SUPT3H: variants seen among roughly 807,000 people sequenced by gnomAD.
The protein encoded by SUPT3H is transcription initiation protein SPT3 homolog.
A neutral mutation model predicts 44.3 loss-of-function variants in SUPT3H; 44 were observed. That is an observed-to-expected ratio of 0.99 (90% CI 0.78 to 1.28). The LOEUF (loss-of-function observed/expected upper bound fraction) is 1.28, where lower values mean the gene tolerates loss of function less well. Among genes scored for constraint, SUPT3H ranks in the 50% most tolerant of loss-of-function variants. The pLI, the probability that SUPT3H is intolerant of heterozygous loss-of-function variation, is 0.00. For missense variants in SUPT3H, 380 were observed against 387.1 expected, an observed-to-expected ratio of 0.98 and a Z score of 0.15; for synonymous variants, 124 against 125.6, an observed-to-expected ratio of 0.99 and a Z score of 0.09.
chr6:45,176,099 G>C (rs952775657), intron 2 of SUPT3H, among the ~76,000 whole-genome samples: 5 of 152,018 alleles, frequency 3.3e-5, no homozygotes, highest in African/African-American at 1.2e-4. Flanking sequence ...GAACAGCTCT[G>C]GTCTACAGCT....
intron 6 of SUPT3H, among the ~76,000 whole-genome samples, chr6:44,978,937 T>C (rs1778716275): frequency 6.6e-6 from 1 of 152,154 alleles, no homozygotes; most frequent in Non-Finnish European, 1.5e-5. Flanking sequence ...TGAAAATATG[T>C]CCTTGCCAAA....
intron 10 of SUPT3H, among the ~76,000 whole-genome samples, chr6:44,913,978 T>C (rs1274946694): frequency 1.3e-5 from 2 of 152,164 alleles, no homozygotes; most frequent in East Asian, 3.9e-4. Flanking sequence ...GCTCATAAAA[T>C]AGTCACATGA....
At chr6:44,976,986 A>G (rs1778427337) in intron 6 of SUPT3H, among the ~76,000 whole-genome samples, 1 of 152,216 alleles carries the variant, frequency 6.6e-6, no homozygotes, top group Non-Finnish European at 1.5e-5. Context: ...CCACTCTCTT[A>G]GATGTCAGTG....
chr6:45,176,371 T>C (rs1290966626), intron 2 of SUPT3H, among the ~76,000 whole-genome samples: 2 of 152,004 alleles, frequency 1.3e-5, no homozygotes, highest in African/African-American at 4.8e-5. Context: ...TCAGACCGGC[T>C]TAAAAAGCGG....
intron 2 of SUPT3H, among the ~76,000 whole-genome samples, chr6:45,262,576 T>C (rs192350309): frequency 2.6e-5 from 4 of 152,136 alleles, no homozygotes; most frequent in African/African-American, 4.8e-5. Context: ...AAACCTAGCG[T>C]ACCTATCTGG....
chr6:45,140,672 A>G (rs529993772), intron 2 of SUPT3H, among the ~76,000 whole-genome samples: 2 of 152,110 alleles, frequency 1.3e-5, no homozygotes, highest in East Asian at 1.9e-4. Flanking sequence ...CACCTCCAGC[A>G]CAGCAGGTTG....
At chr6:45,303,607 A>G (rs1782490003) in intron 2 of SUPT3H, among the ~76,000 whole-genome samples, 1 of 151,772 alleles carries the variant, frequency 6.6e-6, no homozygotes. Flanking sequence ...TTGGCCTATA[A>G]AGCCAACTAT....
intron 2 of SUPT3H, among the ~76,000 whole-genome samples, chr6:45,175,575 G>A (rs1397679471): frequency 6.6e-6 from 1 of 152,138 alleles, no homozygotes; most frequent in Non-Finnish European, 1.5e-5. Context: ...AAATGGAAGA[G>A]GTTTGGGTCT....
At chr6:44,902,576 T>C (rs1765268052) in intron 10 of SUPT3H, among the ~76,000 whole-genome samples, 2 of 152,048 alleles carry the variant, frequency 1.3e-5, no homozygotes, top group Admixed American at 6.5e-5. Context: ...CCCACAATAA[T>C]AATGGGAGAC....
chr6:45,005,600 C>T (rs1782599690), intron 5 of SUPT3H, among the ~76,000 whole-genome samples: 1 of 150,958 alleles, frequency 6.6e-6, no homozygotes, highest in Admixed American at 6.6e-5. Flanking sequence ...ACTCGGGAGG[C>T]TGAGGCAGGA....
rs554059606 is a variant in SUPT3H at position 45,262,312 on chromosome 6, A to C, written c.101+102889T>G. Among the ~76,000 whole-genome samples, 85 of 151,958 alleles carry C rather than the reference A, an allele frequency of 5.6e-4. No individual in the cohort carries two copies. In the South Asian group the frequency reaches 0.017, roughly 31 times the overall value. On this transcript the variant is annotated intron_variant, in intron 2 of 10. Transcript: ENST00000371459. ...AAGCATATTACTGGCACAAAAACAG[A>C]TACACAGACCAACAGAACAGAATAG... is the stretch of plus-strand genomic sequence containing the variant.
At chr6:45,303,606 A>G (rs1277209802) in intron 2 of SUPT3H, among the ~76,000 whole-genome samples, 1 of 151,856 alleles carries the variant, frequency 6.6e-6, no homozygotes, top group Non-Finnish European at 1.5e-5. Context: ...TTTGGCCTAT[A>G]AAGCCAACTA....
At chr6:44,904,724 C>T (rs891104839) in intron 10 of SUPT3H, among the ~76,000 whole-genome samples, 11 of 152,106 alleles carry the variant, frequency 7.2e-5, no homozygotes, top group South Asian at 2.1e-4. Flanking sequence ...CAATCCTAAG[C>T]CAAAAGAACA....
chr6:44,887,239 A>T (rs1162761160), intron 10 of SUPT3H, among the ~76,000 whole-genome samples: 2 of 152,190 alleles, frequency 1.3e-5, no homozygotes, highest in Non-Finnish European at 2.9e-5. Flanking sequence ...GATATCCAGG[A>T]ATTGAACTCA....
chr6:45,162,674 G>A (rs1447473163), intron 2 of SUPT3H, among the ~76,000 whole-genome samples: 1 of 152,176 alleles, frequency 6.6e-6, no homozygotes, highest in Non-Finnish European at 1.5e-5. Flanking sequence ...AACGCTATGA[G>A]ATGTCTTCTC....
chr6:44,830,300 C>T (rs575232660), intron 10 of SUPT3H, among the ~76,000 whole-genome samples: 4 of 152,102 alleles, frequency 2.6e-5, no homozygotes, highest in Non-Finnish European at 4.4e-5. Flanking sequence ...GAAAAGCTGT[C>T]GGAACAGACA....
chr6:44,843,838 C>T, intron 10 of SUPT3H, among the ~76,000 whole-genome samples: 1 of 151,460 alleles, frequency 6.6e-6, no homozygotes. Context: ...CTAAATCCTA[C>T]CAGGCTTTTC....
intron 10 of SUPT3H, among the ~76,000 whole-genome samples, chr6:44,910,897 A>G (rs1234864681): frequency 7.0e-6 from 1 of 143,550 alleles, no homozygotes; most frequent in Non-Finnish European, 1.5e-5. Context: ...CGGGAGGCTT[A>G]GGCAGGAGAA....
chr6:45,146,490 T>G (rs759587383), intron 2 of SUPT3H, among the ~76,000 whole-genome samples: 1 of 152,148 alleles, frequency 6.6e-6, no homozygotes, highest in African/African-American at 2.4e-5. Flanking sequence ...ATATGCTGCA[T>G]GGGTGACGGT....
Sources: gnomAD v4.1 joint callset for allele counts (sites outside exome capture counted in the v4.1 genomes callset) on GRCh38, gnomAD v4.1.1 for gene constraint, MANE v1.5 for transcripts, NCBI Gene and HGNC (gene_info 2026-07-23, HGNC 2026-07-21) for gene names.